Variants in MECOM observed in about 807,000 individuals in gnomAD.
MECOM encodes MDS1 and EVI1 complex locus, also known as histone-lysine N-methyltransferase MECOM.
MECOM carries 13 observed loss-of-function variants against 116.3 expected under a neutral mutation model. The observed-to-expected ratio is 0.11, with a 90% CI of 0.07 to 0.18. The LOEUF (loss-of-function observed/expected upper bound fraction) is 0.18. MECOM is among the 10% of genes least tolerant of loss of function. The pLI, the probability that MECOM is intolerant of heterozygous loss-of-function variation, is 1.00. For synonymous variants in MECOM, 528 were observed against 535.2 expected (o/e 0.99, Z 0.19); for missense variants, 1,299 against 1,509.0 (o/e 0.86, Z 2.31).
chr3:169,651,633 G>T (rs1013885356), intron 1 of MECOM, among the ~76,000 whole-genome samples: 2 of 152,120 alleles, frequency 1.3e-5, no homozygotes, highest in Admixed American at 1.3e-4. Context: ...TGGACTTGGG[G>T]GGAAGGGTGG....
At chr3:169,186,106 G>T (rs933722691) in intron 2 of MECOM, among the ~76,000 whole-genome samples, 1 of 151,992 alleles carries the variant, frequency 6.6e-6, no homozygotes, top group Non-Finnish European at 1.5e-5. Context: ...TTATGCTTCT[G>T]CCATGACAGC....
intron 1 of MECOM, among the ~76,000 whole-genome samples, chr3:169,459,627 A>T (rs1353114512): frequency 6.6e-6 from 1 of 152,226 alleles, no homozygotes; most frequent in East Asian, 1.9e-4. Flanking sequence ...AACTGTTTAT[A>T]TAGAAGTAGA....
intron 2 of MECOM, among the ~76,000 whole-genome samples, chr3:169,247,957 C>T (rs1371251171): frequency 6.6e-6 from 1 of 152,084 alleles, no homozygotes; most frequent in Non-Finnish European, 1.5e-5. Flanking sequence ...TGACTTTTGC[C>T]CAGTGAACCT....
At chr3:169,633,637 A>G (rs1772357674) in intron 1 of MECOM, among the ~76,000 whole-genome samples, 1 of 152,066 alleles carries the variant, frequency 6.6e-6, no homozygotes, top group Non-Finnish European at 1.5e-5. Context: ...GTGTCGATCA[A>G]CCACTGGAAA....
chr3:169,601,717 G>C (rs1247364027), intron 1 of MECOM, among the ~76,000 whole-genome samples: 1 of 152,126 alleles, frequency 6.6e-6, no homozygotes, highest in Non-Finnish European at 1.5e-5. Flanking sequence ...ATGAAAATGT[G>C]CCCCATCCCA....
intron 2 of MECOM, among the ~76,000 whole-genome samples, chr3:169,243,525 G>C (rs959701339): frequency 7.9e-5 from 12 of 151,656 alleles, no homozygotes; most frequent in Non-Finnish European, 1.6e-4. Flanking sequence ...GTTTTTATAA[G>C]AAAAACGACA....
chr3:169,098,504 T>C (rs1200296765), intron 12 of MECOM, among the ~76,000 whole-genome samples: 1 of 152,164 alleles, frequency 6.6e-6, no homozygotes. Context: ...CAAGGGTACA[T>C]GATGCTGACA....
intron 3 of MECOM, among the ~76,000 whole-genome samples, chr3:169,143,013 C>T (rs1488098): frequency 0.97 from 147,049 of 152,046 alleles, 71,141 homozygotes; most frequent in East Asian, 1. Flanking sequence ...TATGATATTA[C>T]AAGATTCATA....
chr3:169,429,351 A>G (rs1741222605), intron 1 of MECOM, among the ~76,000 whole-genome samples: 1 of 152,196 alleles, frequency 6.6e-6, no homozygotes, highest in Admixed American at 6.5e-5. Flanking sequence ...TTTTAATTAA[A>G]TAATTTTGCA....
chr3:169,127,190 T>A (rs1362993923), intron 5 of MECOM, among the ~76,000 whole-genome samples: 2 of 152,220 alleles, frequency 1.3e-5, no homozygotes, highest in Non-Finnish European at 2.9e-5. Context: ...TCAGCAATTT[T>A]AAAAAGTTAT....
intron 1 of MECOM, among the ~76,000 whole-genome samples, chr3:169,629,039 T>G (rs532361273): frequency 4.6e-5 from 7 of 151,394 alleles, no homozygotes; most frequent in Non-Finnish European, 2.9e-5. Context: ...CCCAAAGAAC[T>G]CAAAGCACTT....
chr3:169,307,833 C>T (rs1577664562), intron 2 of MECOM, among the ~76,000 whole-genome samples: 1 of 152,092 alleles, frequency 6.6e-6, no homozygotes, highest in Admixed American at 6.5e-5. Context: ...AATTTGAATA[C>T]GACCCAAACA....
At chr3:169,173,777 C>A (rs1041581710) in intron 2 of MECOM, among the ~76,000 whole-genome samples, 5 of 152,260 alleles carry the variant, frequency 3.3e-5, no homozygotes, top group Non-Finnish European at 1.5e-5. Context: ...TAATTCCCTG[C>A]TTAAAGTCCT....
At position 169,214,157 on chromosome 3, in the gene MECOM, C is replaced by T. The variant is rs533902409; in HGVS notation, c.376-70325G>A. 2.6e-5 allele frequency among the ~76,000 whole-genome samples: 4 copies of T among 152,160 alleles called. No homozygotes were observed. The East Asian group carries it at 7.7e-4, about 29-fold the overall frequency. Reference sequence around the variant, plus strand: ...AGGCAATACAGCTATATTTGTTCCCCTTTGTGGCTTTGTAAAAGCCAACTT... The same window carrying T: ...AGGCAATACAGCTATATTTGTTCCCTTTTGTGGCTTTGTAAAAGCCAACTT... On this transcript the variant is annotated intron_variant, in intron 2 of 16. Transcript: ENST00000651503.
At chr3:169,551,729 C>T (rs1010917514) in intron 1 of MECOM, among the ~76,000 whole-genome samples, 1 of 152,188 alleles carries the variant, frequency 6.6e-6, no homozygotes, top group Admixed American at 6.5e-5. Context: ...GAACTGAAAA[C>T]ATATGCCCAC....
At position 169,093,036 on chromosome 3, in the gene MECOM, T is replaced by A; in HGVS notation, c.3086A>T (p.Asp1029Val). 1.2e-6 allele frequency: 2 copies of A among 1,613,906 alleles called. No individual in the cohort carries two copies. The highest frequency in any genetic ancestry group is 1.7e-6 in the Non-Finnish European group (2 of 1,179,826). Residue 1029 changes from aspartate (D) to valine (V), a missense_variant, in exon 14 of 17, where the codon GAT (aspartate) becomes GTT (valine). Around this residue, in one of 6 missense-constraint regions of MECOM, gnomAD observed 273 missense variants for 289.3 expected, o/e 0.94. Coordinates refer to ENST00000651503, the MANE Select transcript of MECOM (RefSeq NM_004991.4). ...ATTTCGAATTTCTGTGAAGTAAGCA[T>A]CTTCTTTGTCATCCAGAATCGCACC... is the stretch of plus-strand genomic sequence containing the variant. Reference protein sequence around the residue: ...STGAILDDKEDAYFTEIRNFI... With the variant: ...STGAILDDKEVAYFTEIRNFI...
intron 1 of MECOM, among the ~76,000 whole-genome samples, chr3:169,442,876 T>C (rs560740681): frequency 2.0e-5 from 3 of 152,308 alleles, no homozygotes; most frequent in South Asian, 2.1e-4. Flanking sequence ...AGTATCTTTA[T>C]GGCCCTAATA....
chr3:169,549,648 C>T (rs1761135559), intron 1 of MECOM, among the ~76,000 whole-genome samples: 1 of 152,138 alleles, frequency 6.6e-6, no homozygotes, highest in Admixed American at 6.5e-5. Context: ...GCCTGAGGCC[C>T]ACCTTCTTGG....
rs12636764 is a variant in MECOM, at chr3:169,307,860, G to A, written c.375+73327C>T. Among the ~76,000 whole-genome samples, 340 of 152,212 alleles carry A rather than the reference G, an allele frequency of 2.2e-3. 12 individuals are homozygous for A. The East Asian group carries it at 0.059, about 26-fold the overall frequency. ...ACCCAAACATCTTATCCTGGCCACT[G>A]AGGCTACCTGGGCCAGATCCTGCTA... On this transcript the variant is annotated intron_variant, in intron 2 of 16. Coordinates refer to ENST00000651503, the MANE Select transcript of MECOM (RefSeq NM_004991.4).
Sources: gnomAD v4.1 joint callset for allele counts (sites outside exome capture counted in the v4.1 genomes callset) on GRCh38, gnomAD v4.1.1 for gene constraint, gnomAD v4.1.1 regional missense constraint, MANE v1.5 for transcripts, NCBI Gene and HGNC (gene_info 2026-07-23, HGNC 2026-07-21) for gene names.